The following ANKAR variants were observed in gnomAD, a reference collection of about 807,000 sequenced individuals.
ANKAR encodes the protein ankyrin and armadillo repeat containing.
A neutral mutation model predicts 146.2 loss-of-function variants in ANKAR; 136 were observed. That is an observed-to-expected ratio of 0.93 (90% CI 0.81 to 1.07). The LOEUF (loss-of-function observed/expected upper bound fraction) is 1.07, where lower values mean the gene tolerates loss of function less well. ANKAR is among the 50% of genes least tolerant of loss of function. The pLI is 0.00. For missense variants in ANKAR, 1,567 were observed against 1,679.9 expected, an observed-to-expected ratio of 0.93 and a Z score of 1.18; for synonymous variants, 500 against 575.8, an observed-to-expected ratio of 0.87 and a Z score of 1.88.
intron 18 of ANKAR, chr2:189,755,628 CT>C: frequency 6.7e-7 from 1 of 1,490,388 alleles, no homozygotes; most frequent in East Asian, 2.3e-5. Flanking sequence ...GATATTACAG[CT>C]AAAAGCATGT....
intron 10 of ANKAR, among the ~76,000 whole-genome samples, chr2:189,711,656 C>T (rs116063850): frequency 0.032 from 4,921 of 152,270 alleles, 99 homozygotes; most frequent in South Asian, 0.069. Flanking sequence ...GGAACAGCTC[C>T]GGTCTGCAGC....
chr2:189,738,518 C>G, intron 18 of ANKAR, 47 bp from the exon 19 acceptor site: 1 of 1,133,336 alleles, frequency 8.8e-7, no homozygotes, highest in Non-Finnish European at 1.3e-6. Context: ...ATTAGAGAAG[C>G]TGAGTAGAAA....
chr2:189,726,807 T>C (rs1476925370), intron 12 of ANKAR, among the ~76,000 whole-genome samples: 1 of 152,138 alleles, frequency 6.6e-6, no homozygotes, highest in Non-Finnish European at 1.5e-5. Flanking sequence ...ACTAGACTAT[T>C]AAAGAGATAA....
intron 5 of ANKAR, 24 bp from the exon 6 acceptor site, chr2:189,694,957 C>T (rs1446021204): frequency 1.1e-5 from 15 of 1,374,932 alleles, no homozygotes; most frequent in Non-Finnish European, 1.3e-5. Context: ...AGAGAAACAT[C>T]TTTTTTTTCT....
At chr2:189,722,350 G>T (rs1296196807) in intron 12 of ANKAR, among the ~76,000 whole-genome samples, 1 of 65,780 alleles carries the variant, frequency 1.5e-5, no homozygotes, top group African/African-American at 5.4e-5. Context: ...AAAAAAAAAA[G>T]GAAAAAAGAA....
intron 11 of ANKAR, among the ~76,000 whole-genome samples, chr2:189,720,042 C>T (rs1325409688): frequency 3.9e-5 from 6 of 152,116 alleles, no homozygotes; most frequent in South Asian, 2.1e-4. Flanking sequence ...ATGTTGATTG[C>T]TTCTTGCTGT....
At chr2:189,755,188 A>G (rs565696949) in intron 18 of ANKAR, 1 of 1,606,954 alleles carries the variant, frequency 6.2e-7, no homozygotes, top group Non-Finnish European at 8.5e-7. Context: ...CAAGCATGTC[A>G]CCTGGTGCTA....
chr2:189,684,959 CTG>C (rs1479699787), intron 2 of ANKAR, among the ~76,000 whole-genome samples: 1 of 151,882 alleles, frequency 6.6e-6, no homozygotes, highest in Non-Finnish European at 1.5e-5. Flanking sequence ...TTTCCTATGA[CTG>C]TACATATTCC....
chr2:189,685,692 G>C (rs1241804233), intron 2 of ANKAR, among the ~76,000 whole-genome samples: 1 of 152,164 alleles, frequency 6.6e-6, no homozygotes, highest in African/African-American at 2.4e-5. Flanking sequence ...CTGTCCCCCA[G>C]ATGTTGTATC....
intron 20 of ANKAR, among the ~76,000 whole-genome samples, chr2:189,742,832 TGA>T: frequency 1.4e-5 from 1 of 73,996 alleles, no homozygotes; most frequent in South Asian, 6.4e-4. Context: ...TAGAATTACC[TGA>T]CACACACACA....
intron 2 of ANKAR, among the ~76,000 whole-genome samples, chr2:189,685,871 T>C (rs1240700071): frequency 6.6e-6 from 1 of 152,122 alleles, no homozygotes; most frequent in African/African-American, 2.4e-5. Context: ...TTGTACCCTT[T>C]TAGTGAGGAA....
chr2:189,704,495 A>G (rs915016356), intron 7 of ANKAR, among the ~76,000 whole-genome samples: 2 of 144,394 alleles, frequency 1.4e-5, no homozygotes, highest in African/African-American at 5.1e-5. Flanking sequence ...AATGGAAAAA[A>G]TAAAAGAAAA....
intron 6 of ANKAR, 85 bp downstream of exon 6, chr2:189,695,246 G>A: frequency 3.5e-6 from 4 of 1,139,722 alleles, no homozygotes; most frequent in South Asian, 4.8e-5. Flanking sequence ...TTTATCCTAG[G>A]GATAATAATA....
At chr2:189,703,463 T>G (rs575031086) in intron 7 of ANKAR, among the ~76,000 whole-genome samples, 1 of 152,266 alleles carries the variant, frequency 6.6e-6, no homozygotes, top group South Asian at 2.1e-4. Context: ...TATCTCTCAC[T>G]GATTTAGGAA....
At chr2:189,745,142 G>T (rs1489958700) in intron 22 of ANKAR, among the ~76,000 whole-genome samples, 2 of 151,964 alleles carry the variant, frequency 1.3e-5, no homozygotes, top group Non-Finnish European at 2.9e-5. Context: ...AGTCAGCTGA[G>T]ATCGCACCAC....
At chr2:189,714,560 C>T (rs188690058) in intron 10 of ANKAR, among the ~76,000 whole-genome samples, 4 of 152,096 alleles carry the variant, frequency 2.6e-5, no homozygotes, top group South Asian at 4.1e-4. Flanking sequence ...TCTTTGAAAC[C>T]GATGAGAACA....
rs566756910 is a variant in ANKAR at position 189,697,893 on chromosome 2, C to T, written c.1708+1524C>T. On this transcript the variant is annotated intron_variant, in intron 7 of 22. Transcript: ENST00000684021. ...AGAGTTTCCAGGTCTGCTTTTAATG[C>T]GTTGTCAGGTTGCATATGACATGCC... Among the ~76,000 whole-genome samples the T allele has an allele frequency of 1.1e-3, 4 of 3,728 alleles. No individual in the cohort carries two copies. The Non-Finnish European group carries it at 0.051, about 48-fold the overall frequency. The allele number at this position is 3,728 out of a possible 152,430, so 2.4% of individuals were successfully genotyped here.
chr2:189,727,880 C>T lies in ANKAR; in HGVS notation c.2660C>T (p.Ala887Val). ...DSDVLKAVSS[A>V]AIAEVGRDNK... Reference sequence around the variant, plus strand: ...GATGTGTTGAAGGCTGTATCTTCTGCTGCAATTGCTGAGGTTGGGCGTGAC... The same window carrying T: ...GATGTGTTGAAGGCTGTATCTTCTGTTGCAATTGCTGAGGTTGGGCGTGAC... Residue 887 changes from alanine (A) to valine (V), a missense_variant, in exon 13 of 23, where the codon GCT becomes GTT. Coordinates refer to ENST00000684021, the MANE Select transcript of ANKAR (RefSeq NM_001378068.1). 6.2e-7 allele frequency: 1 copy of T among 1,613,866 alleles called. No individual in the cohort carries two copies. The highest frequency in any genetic ancestry group is 8.5e-7 in the Non-Finnish European group (1 of 1,179,866).
downstream of ANKAR, among the ~76,000 whole-genome samples, chr2:189,749,260 A>AT (rs1356929595): frequency 7.0e-6 from 1 of 142,092 alleles, no homozygotes; most frequent in African/African-American, 2.6e-5. Flanking sequence ...AAAAAAAAAA[A>AT]AAAAAAAGAT....
Sources: allele counts gnomAD v4.1 joint callset (sites outside exome capture counted in the v4.1 genomes callset), GRCh38; gene constraint gnomAD v4.1.1; transcripts MANE v1.5; gene names NCBI Gene and HGNC (gene_info 2026-07-23, HGNC 2026-07-21).